IQCH: variants seen among roughly 807,000 people sequenced by gnomAD.
The protein encoded by IQCH is IQ domain-containing protein H.
Under a neutral mutation model 117.0 loss-of-function variants are expected in IQCH, and 98 were observed. The ratio of observed to expected loss-of-function variants is 0.84; its 90% confidence interval spans 0.71 to 0.99. The LOEUF is 0.99. Among genes scored for constraint, IQCH ranks in the 50% least tolerant of loss-of-function variants. IQCH has a pLI of 0.00. For missense variants in IQCH, 1,102 were observed against 1,243.8 expected, an observed-to-expected ratio of 0.89 and a Z score of 1.72; for synonymous variants, 412 against 448.2, an observed-to-expected ratio of 0.92 and a Z score of 1.02.
In IQCH at chr15:67,376,610, T is replaced by C. The variant is rs575129969; in HGVS notation, c.1372+3177T>C. Among the ~76,000 whole-genome samples, 177 of 152,334 alleles carry C rather than the reference T, an allele frequency of 1.2e-3. No homozygotes were observed. Among genetic ancestry groups the C allele is most frequent in the African/African-American group, 3.8e-3 (160 of 41,570 alleles). ...AACCCTTCAAATGAAAGCTAAGTAG[T>C]TGATAACTGCATAATATATTGTAGT... On this transcript the variant is annotated intron_variant, in intron 10 of 20. Coordinates refer to ENST00000335894, the MANE Select transcript of IQCH (RefSeq NM_001031715.3). The surrounding 1 kb of genome is among the most constrained non-coding windows in gnomAD (Gnocchi z 5.0).
intron 3 of IQCH, 45 bp downstream of exon 3, chr15:67,263,261 A>G (rs755845179): frequency 4.8e-5 from 47 of 988,668 alleles, no homozygotes; most frequent in Non-Finnish European, 6.5e-5. Flanking sequence ...TAAAATTGAG[A>G]AATAACTTTT....
chr15:67,324,287 T>A (rs554064833), intron 4 of IQCH, among the ~76,000 whole-genome samples: 10 of 149,668 alleles, frequency 6.7e-5, no homozygotes, highest in African/African-American at 2.4e-4. Flanking sequence ...CTGGTAACAC[T>A]TGCCTGTCTT....
In IQCH at chr15:67,445,181, C is replaced by A. The variant is rs1473165792; in HGVS notation, c.2506-19946C>A. ...AACATCTGTTACTAGTACAGTCTAA[C>A]ACAGCACTTAAAATCCTTTAAAATC... On this transcript the variant is annotated intron_variant, in intron 16 of 20. Transcript: ENST00000335894. The surrounding 1 kb of genome is among the most constrained non-coding windows in gnomAD (Gnocchi z 4.3). 6.6e-6 allele frequency among the ~76,000 whole-genome samples: 1 copy of A among 152,114 alleles called. No homozygotes were observed. Among genetic ancestry groups the A allele is most frequent in the Non-Finnish European group, 1.5e-5 (1 of 68,022 alleles).
chr15:67,286,221 C>A (rs915331060), intron 4 of IQCH, among the ~76,000 whole-genome samples: 4 of 151,950 alleles, frequency 2.6e-5, no homozygotes, highest in African/African-American at 9.7e-5. Context: ...GTCTTGATTT[C>A]TTTTTCACAT....
rs199639069 is a variant in IQCH, at chr15:67,453,371, CT to C, written c.2506-11753del. On this transcript the variant is annotated intron_variant, in intron 16 of 20. Coordinates refer to ENST00000335894, the MANE Select transcript of IQCH (RefSeq NM_001031715.3). This position sits in a 1 kb window ranked among gnomAD's most constrained non-coding sequence, Gnocchi z 5.8. ...CTTTGTGGTTTTATCTACCTTTGGT[CT>C]TTGATGATGGTGACGTACAGATGGG... Among the ~76,000 whole-genome samples the C allele has an allele frequency of 0.015, 2,333 of 152,204 alleles. 65 individuals carry two copies. Among genetic ancestry groups the C allele is most frequent in the African/African-American group, 0.053 (2,218 of 41,506 alleles).
chr15:67,477,298 C>T (rs184032065), intron 18 of IQCH, among the ~76,000 whole-genome samples: 42 of 152,164 alleles, frequency 2.8e-4, no homozygotes, highest in Admixed American at 5.9e-4. Flanking sequence ...CCGCCCGCCT[C>T]GGCTTCCCAA....
intron 4 of IQCH, among the ~76,000 whole-genome samples, chr15:67,286,759 C>A (rs1966579459): frequency 6.6e-6 from 1 of 152,014 alleles, no homozygotes; most frequent in Non-Finnish European, 1.5e-5. Context: ...CAGGCGCAGG[C>A]CACCACACCC....
rs1177459156 is a variant in IQCH, at chr15:67,254,930, G to T, written c.34G>T (p.Gly12Ter). 2 of 1,613,726 alleles carry T rather than the reference G, an allele frequency of 1.2e-6. No homozygotes were observed. The highest frequency in any genetic ancestry group is 1.7e-5 in the Admixed American group (1 of 60,000). ...AQNTENHDPV[G>*]SILIQIHEDL... ...GAACACTGAAAACCACGACCCTGTCGGATCCATCTTAATCCAGGTGGGAAA... is the reference window on the plus strand; with the variant it reads ...GAACACTGAAAACCACGACCCTGTCTGATCCATCTTAATCCAGGTGGGAAA... The change falls in exon 1 of 21, where the codon GGA (glycine) becomes TGA (stop). Residue 12 changes from glycine (G) to a stop codon, truncating the protein, a stop_gained. Coordinates refer to ENST00000335894, the MANE Select transcript of IQCH (RefSeq NM_001031715.3). LOFTEE classifies it high-confidence loss of function.
Position 67,395,702 on chromosome 15 carries a change from C to CTTTATTTATTTA in IQCH, c.1905+163_1905+174dup, listed in dbSNP as rs66772420. 0.38 allele frequency: 92,742 copies of CTTTATTTATTTA among 241,110 alleles called. 22,939 individuals are homozygous for CTTTATTTATTTA. Among genetic ancestry groups the CTTTATTTATTTA allele is most frequent in the African/African-American group, 0.51 (21,000 of 41,082 alleles). The allele number at this position is 241,110 out of a possible 1,614,324, so 14.9% of individuals were successfully genotyped here. ...ATTTGAGTTGATTTGAGGGAATCTACTTTATTTATTTATTTATTTATTTAT... is the reference window on the plus strand; with the variant it reads ...ATTTGAGTTGATTTGAGGGAATCTACTTTATTTATTTATTTATTTATTTATTTATTTATTTAT... On this transcript the variant is annotated intron_variant, in intron 13 of 20. Coordinates refer to ENST00000335894, the MANE Select transcript of IQCH (RefSeq NM_001031715.3). The surrounding 1 kb of genome is among the most constrained non-coding windows in gnomAD (Gnocchi z 4.0).
chr15:67,397,376 CA>C (rs1971505015), intron 13 of IQCH, among the ~76,000 whole-genome samples: 1 of 152,188 alleles, frequency 6.6e-6, no homozygotes, highest in Admixed American at 6.5e-5. Context: ...CTTAGAGACA[CA>C]TCAGATTTGA....
intron 3 of IQCH, among the ~76,000 whole-genome samples, chr15:67,269,176 A>G (rs1965799652): frequency 6.6e-6 from 1 of 152,192 alleles, no homozygotes; most frequent in Admixed American, 6.5e-5. Flanking sequence ...CTCATCTTAC[A>G]GATAAACCAG....
At chr15:67,268,369 C>T (rs937612811) in intron 3 of IQCH, among the ~76,000 whole-genome samples, 3 of 152,200 alleles carry the variant, frequency 2.0e-5, no homozygotes, top group Non-Finnish European at 4.4e-5. Context: ...CTGTTATCCA[C>T]ACTTTGGCAA....
Position 67,431,098 on chromosome 15 carries a change from T to G in IQCH, c.2505+9521T>G, listed in dbSNP as rs2082009500. Reference sequence around the variant, plus strand: ...TATTCCAAGTGAGAAACAGGCTCACTTGGTGGGAAAGAGTGGTGGGAAAAA... The same window carrying G: ...TATTCCAAGTGAGAAACAGGCTCACGTGGTGGGAAAGAGTGGTGGGAAAAA... On this transcript the variant is annotated intron_variant, in intron 16 of 20. Coordinates refer to ENST00000335894, the MANE Select transcript of IQCH (RefSeq NM_001031715.3). The surrounding 1 kb of genome is among the most constrained non-coding windows in gnomAD (Gnocchi z 4.8). Among the ~76,000 whole-genome samples the G allele has an allele frequency of 6.6e-6, 1 of 152,046 alleles. No individual in the cohort carries two copies. The highest frequency in any genetic ancestry group is 6.6e-5 in the Admixed American group (1 of 15,266).
At chr15:67,327,243 A>G (rs1212916625) in intron 4 of IQCH, among the ~76,000 whole-genome samples, 9 of 152,194 alleles carry the variant, frequency 5.9e-5, no homozygotes, top group Non-Finnish European at 2.9e-5. Flanking sequence ...TCTTTTTTCA[A>G]TTACAAGCTT....
intron 4 of IQCH, among the ~76,000 whole-genome samples, chr15:67,311,672 T>C (rs1967602748): frequency 6.6e-6 from 1 of 151,572 alleles, no homozygotes. Context: ...TTGTTACTTA[T>C]ATATGTTTTG....
Position 67,473,577 on chromosome 15 carries a change from A to C in IQCH, c.2677-2119A>C, listed in dbSNP as rs565626867. ...ATTACATACTTTGAAGAGTCTCTTA[A>C]GTCAGAGGGAAGAGCTATCCACCTA... is the stretch of plus-strand genomic sequence containing the variant. On this transcript the variant is annotated intron_variant, in intron 17 of 20. Coordinates refer to ENST00000335894, the MANE Select transcript of IQCH (RefSeq NM_001031715.3). The surrounding 1 kb of genome is among the most constrained non-coding windows in gnomAD (Gnocchi z 4.9). 1.3e-5 allele frequency among the ~76,000 whole-genome samples: 2 copies of C among 152,224 alleles called. No individual in the cohort carries two copies. Among genetic ancestry groups the C allele is most frequent in the South Asian group, 2.1e-4 (1 of 4,826 alleles).
intron 4 of IQCH, among the ~76,000 whole-genome samples, chr15:67,318,110 A>G (rs1324839516): frequency 6.6e-6 from 1 of 152,226 alleles, no homozygotes; most frequent in Non-Finnish European, 1.5e-5. Context: ...ATAAAAAATT[A>G]TGTAACCTCA....
At chr15:67,255,013 CG>C (rs1965079186) in intron 1 of IQCH, 66 bp downstream of exon 1, 7 of 1,484,942 alleles carry the variant, frequency 4.7e-6, no homozygotes, top group Non-Finnish European at 6.5e-6. Flanking sequence ...AGGTCCCGCG[CG>C]CCGATTCACC....
At position 67,422,934 on chromosome 15, in the gene IQCH, C is replaced by T. The variant is rs1264185744; in HGVS notation, c.2505+1357C>T. ...GATATCGCGATATCCTCTGGTCATC[C>T]GCATTGTACATATACTTTGGTTGTT... On this transcript the variant is annotated intron_variant, in intron 16 of 20. Coordinates refer to ENST00000335894, the MANE Select transcript of IQCH (RefSeq NM_001031715.3). The surrounding 1 kb of genome is among the most constrained non-coding windows in gnomAD (Gnocchi z 4.7). 1.3e-5 allele frequency among the ~76,000 whole-genome samples: 2 copies of T among 152,198 alleles called. No homozygotes were observed. Among genetic ancestry groups the T allele is most frequent in the East Asian group, 1.9e-4 (1 of 5,196 alleles).
Sources: gnomAD v4.1 joint callset for allele counts (sites outside exome capture counted in the v4.1 genomes callset) on GRCh38, gnomAD v4.1.1 for gene constraint, Gnocchi (gnomAD v3.1) non-coding constraint, MANE v1.5 for transcripts, NCBI Gene and HGNC (gene_info 2026-07-23, HGNC 2026-07-21) for gene names.